The following ASB7 variants were observed in gnomAD, a reference collection of about 807,000 sequenced individuals.
ASB7 encodes ankyrin repeat and SOCS box containing 7, also known as ankyrin repeat and SOCS box protein 7.
In ASB7, 4 loss-of-function variants were observed where a neutral mutation model predicts 32.5. The ratio of observed to expected loss-of-function variants is 0.12; its 90% confidence interval spans 0.06 to 0.28. The LOEUF (loss-of-function observed/expected upper bound fraction) is 0.28, where lower values mean the gene tolerates loss of function less well. Among genes scored for constraint, ASB7 ranks in the 10% least tolerant of loss-of-function variants. The pLI is 1.00. For missense variants in ASB7, 181 were observed against 407.1 expected (o/e 0.44, Z 4.78); for synonymous variants, 172 against 155.6 (o/e 1.11, Z -0.78).
chr15:100,608,962 G>C (rs901770655), intron 2 of ASB7, among the ~76,000 whole-genome samples: 2 of 152,186 alleles, frequency 1.3e-5, no homozygotes, highest in South Asian at 4.1e-4. Flanking sequence ...CAGGGGATGA[G>C]GTAGTAGTTC....
rs574486797 is a variant in ASB7 at position 100,602,808 on chromosome 15, C to T, written c.-511C>T. 2.3e-3 allele frequency: 882 copies of T among 391,760 alleles called. 2 individuals carry two copies. The highest frequency in any genetic ancestry group is 4.5e-3 in the South Asian group (31 of 6,954). The allele number at this position is 391,760 out of a possible 1,614,324, so 24.3% of individuals were successfully genotyped here. ...GCCCTGGACCGGGACTGCCCCCCCA[C>T]CCGAGCCAGGACTTCCTCCCTGCCT... is the stretch of plus-strand genomic sequence containing the variant. On this transcript the variant is annotated 5_prime_UTR_variant, in exon 1 of 6. Transcript: ENST00000332783.
intron 5 of ASB7, among the ~76,000 whole-genome samples, chr15:100,641,406 C>T (rs551459265): frequency 6.6e-6 from 1 of 152,180 alleles, no homozygotes; most frequent in Non-Finnish European, 1.5e-5. Context: ...ACAGTACTTA[C>T]CATAAGCAGT....
chr15:100,619,259 G>A (rs951560427), intron 4 of ASB7, among the ~76,000 whole-genome samples: 3 of 152,166 alleles, frequency 2.0e-5, no homozygotes, highest in African/African-American at 7.2e-5. Flanking sequence ...AAGGAAAGAA[G>A]GAGCACTTTT....
At chr15:100,614,139 G>T (rs2039720520) in intron 4 of ASB7, among the ~76,000 whole-genome samples, 1 of 152,012 alleles carries the variant, frequency 6.6e-6, no homozygotes, top group South Asian at 2.1e-4. Context: ...TGGGCATAGT[G>T]GCCAGGTGCC....
chr15:100,610,680 T>G (rs186014925), intron 3 of ASB7, among the ~76,000 whole-genome samples: 26 of 152,356 alleles, frequency 1.7e-4, no homozygotes, highest in Admixed American at 1.6e-3. Flanking sequence ...ATGATTTGAC[T>G]TAACCTAGGC....
intron 5 of ASB7, among the ~76,000 whole-genome samples, chr15:100,637,570 A>G (rs2039932748): frequency 6.6e-6 from 1 of 152,232 alleles, no homozygotes; most frequent in South Asian, 2.1e-4. Context: ...TCATACATGG[A>G]TAAACGATCC....
intron 4 of ASB7, among the ~76,000 whole-genome samples, chr15:100,614,272 C>CAAA (rs36083050): frequency 5.6e-5 from 5 of 88,572 alleles, no homozygotes; most frequent in South Asian, 3.2e-4. Context: ...AAACTCTGCT[C>CAAA]AAAAAAAAAA....
At chr15:100,604,386 CA>C (rs2039620228) in intron 2 of ASB7, among the ~76,000 whole-genome samples, 1 of 152,096 alleles carries the variant, frequency 6.6e-6, no homozygotes. Context: ...CATCCAGTAG[CA>C]AAAGTATAAA....
chr15:100,624,457 A>C (rs1325727768), intron 4 of ASB7, among the ~76,000 whole-genome samples: 1 of 152,230 alleles, frequency 6.6e-6, no homozygotes, highest in African/African-American at 2.4e-5. Flanking sequence ...TAAAAAATTT[A>C]AAAAGAGTGG....
At chr15:100,623,735 A>G (rs2039812523) in intron 4 of ASB7, among the ~76,000 whole-genome samples, 1 of 152,234 alleles carries the variant, frequency 6.6e-6, no homozygotes, top group East Asian at 1.9e-4. Flanking sequence ...AAAACTCTTA[A>G]TACGGCATCG....
Position 100,631,613 on chromosome 15 carries a change from T to A in ASB7, c.817+1571T>A, listed in dbSNP as rs888678815. Among the ~76,000 whole-genome samples the A allele has an allele frequency of 4.6e-5, 7 of 152,188 alleles. 1 individual carries two copies. The highest frequency in any genetic ancestry group is 2.6e-4 in the Admixed American group (4 of 15,282). ...ACTTAAATGCCTCAGCCCCCTTTTTTAAAATACTTTGTTCAGTGGTTAATG... is the reference window on the plus strand; with the variant it reads ...ACTTAAATGCCTCAGCCCCCTTTTTAAAAATACTTTGTTCAGTGGTTAATG... On this transcript the variant is annotated intron_variant, in intron 5 of 5. Coordinates refer to ENST00000332783, the MANE Select transcript of ASB7 (RefSeq NM_198243.3).
intron 4 of ASB7, among the ~76,000 whole-genome samples, chr15:100,613,515 A>G (rs1026870397): frequency 2.6e-5 from 4 of 152,376 alleles, no homozygotes; most frequent in Middle Eastern, 3.4e-3. Flanking sequence ...GCCTGTGCCT[A>G]CTTTGTAGCT....
intron 5 of ASB7, among the ~76,000 whole-genome samples, chr15:100,639,526 A>C (rs2039947159): frequency 6.6e-6 from 1 of 152,210 alleles, no homozygotes; most frequent in African/African-American, 2.4e-5. Context: ...TTCGCACAAA[A>C]TGCCTCTAAA....
At chr15:100,634,397 A>T (rs969947382) in intron 5 of ASB7, among the ~76,000 whole-genome samples, 7 of 152,260 alleles carry the variant, frequency 4.6e-5, no homozygotes, top group Admixed American at 6.5e-5. Context: ...GAGAAAATAT[A>T]TGTTTTTGGG....
At chr15:100,644,615 C>T (rs1043207676) in intron 5 of ASB7, among the ~76,000 whole-genome samples, 3 of 152,206 alleles carry the variant, frequency 2.0e-5, no homozygotes, top group Non-Finnish European at 2.9e-5. Context: ...TGGTCCTCCC[C>T]TCATGGAGCA....
Position 100,648,612 on chromosome 15 carries a change from G to C in ASB7, c.*150G>C. Reference sequence around the variant, plus strand: ...TTTGGGTTTTCTGTTTGTTTGGTTGGTTTTCATTGTAGGGGAGGGATTTTT... The same window carrying C: ...TTTGGGTTTTCTGTTTGTTTGGTTGCTTTTCATTGTAGGGGAGGGATTTTT... On this transcript the variant is annotated 3_prime_UTR_variant, in exon 6 of 6. Transcript: ENST00000332783. 5.1e-6 allele frequency: 3 copies of C among 585,038 alleles called. No homozygotes were observed. Among genetic ancestry groups the C allele is most frequent in the Non-Finnish European group, 8.3e-6 (3 of 360,388 alleles). The allele number at this position is 585,038 out of a possible 1,614,324, so 36.2% of individuals were successfully genotyped here. A position where few individuals can be genotyped will look rare whatever the true frequency, so the allele number is the denominator to read the frequency against.
At chr15:100,627,726 G>A (rs8042399) in intron 4 of ASB7, among the ~76,000 whole-genome samples, 2,381 of 152,268 alleles carry the variant, frequency 0.016, 69 homozygotes, top group African/African-American at 0.055. Context: ...CTGAAGGGTG[G>A]GAGAAGTGAA....
intron 5 of ASB7, among the ~76,000 whole-genome samples, chr15:100,632,208 A>G (rs1214127441): frequency 6.6e-6 from 1 of 152,170 alleles, no homozygotes; most frequent in African/African-American, 2.4e-5. Context: ...CGAGGAGCAG[A>G]GCTGTGCGCC....
Position 100,602,950 on chromosome 15 carries a change from C to A in ASB7, c.-369C>A, listed in dbSNP as rs1202930394. On this transcript the variant is annotated 5_prime_UTR_variant, in exon 1 of 6. Coordinates refer to ENST00000332783, the MANE Select transcript of ASB7 (RefSeq NM_198243.3). ...AGGCACCGAGGAGGATCAGGAACAC[C>A]AGGGTCCGGCCCTGCCTGGGGTATT... 2.5e-6 allele frequency: 1 copy of A among 398,938 alleles called. No individual in the cohort carries two copies. The highest frequency in any genetic ancestry group is 4.4e-6 in the Non-Finnish European group (1 of 226,406). 24.7% of individuals were successfully genotyped at this position (398,938 alleles called of 1,614,324 possible). A position where few individuals can be genotyped will look rare whatever the true frequency, so the allele number is the denominator to read the frequency against.
Sources: allele counts gnomAD v4.1 joint callset (sites outside exome capture counted in the v4.1 genomes callset), GRCh38; gene constraint gnomAD v4.1.1; transcripts MANE v1.5; gene names NCBI Gene and HGNC (gene_info 2026-07-23, HGNC 2026-07-21).